Variants in CADM1 observed in about 807,000 individuals in gnomAD.
The protein encoded by CADM1 is TSLC-1.
CADM1 carries 15 observed loss-of-function variants against 53.1 expected under a neutral mutation model. The ratio of observed to expected loss-of-function variants is 0.28; its 90% CI spans 0.19 to 0.44. The LOEUF (loss-of-function observed/expected upper bound fraction) is 0.44. Among genes scored for constraint, CADM1 ranks in the 20% least tolerant of loss-of-function variants. The pLI, the probability that CADM1 is intolerant of heterozygous loss-of-function variation, is 1.00. For missense variants in CADM1, 434 were observed against 611.3 expected (o/e 0.71, Z 3.06); for synonymous variants, 281 against 243.0 (o/e 1.16, Z -1.45).
intron 1 of CADM1, among the ~76,000 whole-genome samples, chr11:115,282,873 T>C (rs1305084461): frequency 1.3e-5 from 2 of 152,028 alleles, no homozygotes; most frequent in Non-Finnish European, 2.9e-5. Context: ...GAAAGCTAAG[T>C]GGGGTTAAGA....
At chr11:115,187,384 G>T (rs1591585452) in intron 10 of CADM1, among the ~76,000 whole-genome samples, 1 of 152,164 alleles carries the variant, frequency 6.6e-6, no homozygotes, top group Non-Finnish European at 1.5e-5. Flanking sequence ...TGATAATCTA[G>T]ATCAAAAGAG....
intron 1 of CADM1, among the ~76,000 whole-genome samples, chr11:115,313,588 G>C (rs986740438): frequency 6.6e-6 from 1 of 152,180 alleles, no homozygotes; most frequent in Non-Finnish European, 1.5e-5. Flanking sequence ...AGGTCCAAGA[G>C]ACTGCTAACT....
intron 1 of CADM1, among the ~76,000 whole-genome samples, chr11:115,501,744 G>A (rs990569474): frequency 3.3e-5 from 5 of 152,110 alleles, no homozygotes; most frequent in Non-Finnish European, 7.4e-5. Flanking sequence ...GAAGTCAGAT[G>A]CACCAACAGG....
At chr11:115,379,317 G>C (rs770374311) in intron 1 of CADM1, among the ~76,000 whole-genome samples, 1 of 152,048 alleles carries the variant, frequency 6.6e-6, no homozygotes, top group South Asian at 2.1e-4. Context: ...AAGAAAACTC[G>C]TTTATCTTCA....
At chr11:115,201,986 A>G (rs1940453121) in intron 8 of CADM1, among the ~76,000 whole-genome samples, 1 of 152,198 alleles carries the variant, frequency 6.6e-6, no homozygotes, top group South Asian at 2.1e-4. Context: ...GTATCCAAAG[A>G]AGGGCCCAGC....
chr11:115,351,239 C>A (rs1373360379), intron 1 of CADM1, among the ~76,000 whole-genome samples: 1 of 152,190 alleles, frequency 6.6e-6, no homozygotes, highest in Non-Finnish European at 1.5e-5. Context: ...CTTGTCTGGT[C>A]TCTGGTATTT....
At chr11:115,328,736 A>ATATACGCG (rs1555067040) in intron 1 of CADM1, among the ~76,000 whole-genome samples, 1 of 123,028 alleles carries the variant, frequency 8.1e-6, no homozygotes, top group Non-Finnish European at 1.7e-5. Flanking sequence ...GTATATACAT[A>ATATACGCG]TATATATATA....
chr11:115,191,022 C>A (rs1939831702), intron 9 of CADM1, 81 bp from the exon 10 acceptor site: 1 of 1,199,880 alleles, frequency 8.3e-7, no homozygotes, highest in South Asian at 1.3e-5. Context: ...GGATGAATTT[C>A]TTTAAAAACA....
chr11:115,294,806 G>C (rs1944005321), intron 1 of CADM1, among the ~76,000 whole-genome samples: 1 of 152,116 alleles, frequency 6.6e-6, no homozygotes, highest in Non-Finnish European at 1.5e-5. Flanking sequence ...AGGAGGAGGT[G>C]GGTGGATCAT....
chr11:115,385,633 G>GA (rs3045733), intron 1 of CADM1, among the ~76,000 whole-genome samples: 1,747 of 111,464 alleles, frequency 0.016, 23 homozygotes, highest in Middle Eastern at 0.077. Context: ...AAGGATTAAA[G>GA]AAAAAAAAAA....
chr11:115,471,868 A>G (rs765125772), intron 1 of CADM1, among the ~76,000 whole-genome samples: 2 of 152,238 alleles, frequency 1.3e-5, no homozygotes, highest in African/African-American at 2.4e-5. Context: ...CAGTGGTCAT[A>G]AAACAAGAAA....
intron 1 of CADM1, among the ~76,000 whole-genome samples, chr11:115,440,222 G>C (rs1348394116): frequency 6.6e-6 from 1 of 152,176 alleles, no homozygotes; most frequent in African/African-American, 2.4e-5. Context: ...CATAATCACT[G>C]TATGGATACG....
chr11:115,323,494 C>T (rs1275927282), intron 1 of CADM1, among the ~76,000 whole-genome samples: 1 of 152,124 alleles, frequency 6.6e-6, no homozygotes, highest in African/African-American at 2.4e-5. Context: ...GATTAGATAG[C>T]TCTTTCTAGC....
intron 5 of CADM1, among the ~76,000 whole-genome samples, chr11:115,225,014 T>A (rs1178947663): frequency 6.6e-6 from 1 of 152,162 alleles, no homozygotes; most frequent in Non-Finnish European, 1.5e-5. Flanking sequence ...CTGCATAACA[T>A]CTAAGGAAAG....
At chr11:115,265,128 C>G (rs377711400) in intron 1 of CADM1, among the ~76,000 whole-genome samples, 1 of 152,196 alleles carries the variant, frequency 6.6e-6, no homozygotes, top group Non-Finnish European at 1.5e-5. Context: ...ACATGCCCCT[C>G]CCCTTCTTGA....
At chr11:115,466,322 A>G (rs1948897899) in intron 1 of CADM1, among the ~76,000 whole-genome samples, 1 of 152,224 alleles carries the variant, frequency 6.6e-6, no homozygotes, top group Non-Finnish European at 1.5e-5. Flanking sequence ...GTCAACATCA[A>G]TGTACTCAGC....
chr11:115,273,709 C>T (rs1387813612), intron 1 of CADM1, among the ~76,000 whole-genome samples: 2 of 152,174 alleles, frequency 1.3e-5, no homozygotes, highest in Non-Finnish European at 2.9e-5. Context: ...TGCCTTTCTA[C>T]ATGCGAAGCC....
intron 1 of CADM1, among the ~76,000 whole-genome samples, chr11:115,356,708 T>C (rs1356460369): frequency 6.6e-6 from 1 of 152,174 alleles, no homozygotes; most frequent in Non-Finnish European, 1.5e-5. Context: ...CCTAATAGTA[T>C]ATGAGAAATA....
At chr11:115,266,136 T>C (rs941213783) in intron 1 of CADM1, among the ~76,000 whole-genome samples, 2 of 152,200 alleles carry the variant, frequency 1.3e-5, no homozygotes, top group Non-Finnish European at 2.9e-5. Flanking sequence ...CCCGCCAGCA[T>C]TCAGTGTGCT....
Sources: allele counts gnomAD v4.1 joint callset (sites outside exome capture counted in the v4.1 genomes callset), GRCh38; gene constraint gnomAD v4.1.1; transcripts MANE v1.5; gene names NCBI Gene and HGNC (gene_info 2026-07-23, HGNC 2026-07-21).